The following MDGA1 variants were observed in gnomAD, a reference collection of about 807,000 sequenced individuals.
MDGA1 encodes MAM domain containing glycosylphosphatidylinositol anchor 1.
Under a neutral mutation model 101.5 loss-of-function variants are expected in MDGA1, and 54 were observed. The ratio of observed to expected loss-of-function variants is 0.53; its 90% confidence interval spans 0.43 to 0.67. The LOEUF (loss-of-function observed/expected upper bound fraction) is 0.67. Ranked by LOEUF, MDGA1 falls within the 30% of genes least tolerant of loss-of-function variation. The pLI, the probability that MDGA1 is intolerant of heterozygous loss-of-function variation, is 0.00. For synonymous variants in MDGA1, 533 were observed against 558.3 expected (o/e 0.95, Z 0.64); for missense variants, 1,083 against 1,323.8 (o/e 0.82, Z 2.82).
At chr6:37,695,233 C>T (rs773837359) in intron 1 of MDGA1, among the ~76,000 whole-genome samples, 2 of 152,106 alleles carry the variant, frequency 1.3e-5, no homozygotes, top group African/African-American at 2.4e-5. Flanking sequence ...AAGACCTCAG[C>T]AGCACCTCTC....
intron 10 of MDGA1, 89 bp downstream of exon 10, chr6:37,647,084 C>G (rs76385504): frequency 3.7e-5 from 47 of 1,266,078 alleles, no homozygotes; most frequent in Non-Finnish European, 5.0e-5. Context: ...GCCCCATCTC[C>G]GACCCTTCCT....
At chr6:37,650,017 A>T (rs1761318707) in intron 8 of MDGA1, 92 bp downstream of exon 8, 3 of 1,507,914 alleles carry the variant, frequency 2.0e-6, no homozygotes, top group Middle Eastern at 1.7e-4. Flanking sequence ...GTTTGGTTGG[A>T]CTGGGGTGGG....
intron 2 of MDGA1, among the ~76,000 whole-genome samples, chr6:37,659,792 G>T (rs1008017264): frequency 5.4e-4 from 82 of 152,226 alleles, no homozygotes; most frequent in African/African-American, 1.9e-3. Context: ...GGAGCTAGAG[G>T]TTACAAAACC....
rs1305019097 is a variant in MDGA1, at chr6:37,634,426, G to A, written c.*2942C>T. The A allele has an allele frequency of 6.5e-6, 1 of 153,256 alleles. No homozygotes were observed. The highest frequency in any genetic ancestry group is 1.9e-4 in the East Asian group (1 of 5,210). The allele number at this position is 153,256 out of a possible 1,614,324, so 9.5% of individuals were successfully genotyped here. A position where few individuals can be genotyped will look rare whatever the true frequency, so the allele number is the denominator to read the frequency against. ...ACCATGGCGCACAAAGACACAGCAT[G>A]AGCAACACTGATACAGAGATGCTGG... On this transcript the variant is annotated 3_prime_UTR_variant, in exon 17 of 17. Coordinates refer to ENST00000434837, the MANE Select transcript of MDGA1 (RefSeq NM_153487.4). The surrounding 1 kb of genome is among the most constrained non-coding windows in gnomAD (Gnocchi z 4.7).
At chr6:37,641,492 T>C (rs1367963187) in intron 14 of MDGA1, among the ~76,000 whole-genome samples, 2 of 152,216 alleles carry the variant, frequency 1.3e-5, no homozygotes, top group African/African-American at 2.4e-5. Context: ...GCAAATGGGC[T>C]GAGCACCCCC....
In MDGA1 at chr6:37,638,333, C is replaced by A; in HGVS notation, c.2668-20G>T. Reference sequence around the variant, plus strand: ...AATAATCTGGGGTGGGGTCAGAAAGCAAGGAGCAAGGGTTGAGGAGGTTCT... The same window carrying A: ...AATAATCTGGGGTGGGGTCAGAAAGAAAGGAGCAAGGGTTGAGGAGGTTCT... On this transcript the variant is annotated intron_variant, in intron 15 of 16. Coordinates refer to ENST00000434837, the MANE Select transcript of MDGA1 (RefSeq NM_153487.4). The surrounding 1 kb of genome is among the most constrained non-coding windows in gnomAD (Gnocchi z 4.8). The A allele has an allele frequency of 6.3e-7, 1 of 1,585,208 alleles. No homozygotes were observed. The highest frequency in any genetic ancestry group is 8.6e-7 in the Non-Finnish European group (1 of 1,163,124).
rs1761456610 is a variant in MDGA1 at position 37,655,170 on chromosome 6, G to A, written c.580-238C>T. On this transcript the variant is annotated intron_variant, in intron 4 of 16. Coordinates refer to ENST00000434837, the MANE Select transcript of MDGA1 (RefSeq NM_153487.4). The surrounding 1 kb of genome is among the most constrained non-coding windows in gnomAD (Gnocchi z 5.1). ...TCTCTGGGTCTGAGGTTGCCCTTGT[G>A]CACACTGGCAAGTACCAGGCCTTGG... 1.8e-6 allele frequency: 1 copy of A among 569,468 alleles called. No individual in the cohort carries two copies. The highest frequency in any genetic ancestry group is 3.0e-5 in the East Asian group (1 of 33,818). 35.3% of individuals were successfully genotyped at this position (569,468 alleles called of 1,614,324 possible).
intron 4 of MDGA1, 24 bp from the exon 5 acceptor site, chr6:37,654,956 G>A: frequency 1.9e-6 from 3 of 1,611,602 alleles, no homozygotes; most frequent in African/African-American, 2.7e-5. Flanking sequence ...GACCACTGGG[G>A]TGAGGTGCCT....
rs868650265 is a variant in MDGA1, at chr6:37,649,067, G to A, written c.1809C>T (p.Asp603=). 6 of 1,542,428 alleles carry A rather than the reference G, an allele frequency of 3.9e-6. No homozygotes were observed. In the Middle Eastern group the frequency reaches 8.6e-4, roughly 220 times the overall value. The part of the protein sequence containing the change: ...EAPDHAELRL[D]AVTRDSSGSY... ...TGCCGCTGCTGTCGCGAGTTACGGC[G>A]TCGAGGCGCAGCTCCGCGTGATCCG... The change falls in exon 9 of 17, where the codon GAC becomes GAT. Residue 603 remains aspartate, a synonymous_variant. Transcript: ENST00000434837.
intron 9 of MDGA1, 129 bp from the exon 10 acceptor site, chr6:37,647,453 G>C: frequency 1.6e-6 from 1 of 623,772 alleles, no homozygotes; most frequent in Admixed American, 3.1e-5. Context: ...CAAAGAGAAA[G>C]GGAATATTGT....
In MDGA1 at chr6:37,638,117, C is replaced by T; in HGVS notation, c.2776+88G>A. 9.1e-7 allele frequency: 1 copy of T among 1,097,850 alleles called. No individual in the cohort carries two copies. The allele number at this position is 1,097,850 out of a possible 1,614,324, so 68.0% of individuals were successfully genotyped here. A position where few individuals can be genotyped will look rare whatever the true frequency, so the allele number is the denominator to read the frequency against. ...CAGACATTCTGAACCCCTATTCAGACCCAAACACCCTCCCTCAACAGACAG... is the reference window on the plus strand; with the variant it reads ...CAGACATTCTGAACCCCTATTCAGATCCAAACACCCTCCCTCAACAGACAG... On this transcript the variant is annotated intron_variant, in intron 16 of 16. Coordinates refer to ENST00000434837, the MANE Select transcript of MDGA1 (RefSeq NM_153487.4). This position sits in a 1 kb window ranked among gnomAD's most constrained non-coding sequence, Gnocchi z 4.8.
rs372353821 is a variant in MDGA1, at chr6:37,638,672, G to A, written c.2537-5C>T. On this transcript the variant is annotated splice_region_variant and splice_polypyrimidine_tract_variant and intron_variant, in intron 14 of 16. Coordinates refer to ENST00000434837, the MANE Select transcript of MDGA1 (RefSeq NM_153487.4). The surrounding 1 kb of genome is among the most constrained non-coding windows in gnomAD (Gnocchi z 4.8). Reference sequence around the variant, plus strand: ...GCACCAGGAGGTTGAGGGAGCCTGCGGTGGGTGTGAAGACAGTGGGCAGTG... The same window carrying A: ...GCACCAGGAGGTTGAGGGAGCCTGCAGTGGGTGTGAAGACAGTGGGCAGTG... 1,286 of 1,610,914 alleles carry A rather than the reference G, an allele frequency of 8.0e-4. 1 individual carries two copies. The highest frequency in any genetic ancestry group is 9.9e-4 in the Non-Finnish European group (1,166 of 1,178,538).
intron 7 of MDGA1, 129 bp from the exon 8 acceptor site, chr6:37,650,534 T>C: frequency 1.0e-6 from 1 of 992,834 alleles, no homozygotes; most frequent in Non-Finnish European, 1.4e-6. Flanking sequence ...GACTTCCGAC[T>C]GGTCCCCCAG....
chr6:37,664,842 G>GAC (rs35594367), intron 1 of MDGA1, among the ~76,000 whole-genome samples: 3,644 of 55,090 alleles, frequency 0.066, 414 homozygotes, highest in East Asian at 0.078. Flanking sequence ...CCTAACCTAA[G>GAC]ACACACACAC....
chr6:37,642,640 C>G (rs1764117949), intron 14 of MDGA1, among the ~76,000 whole-genome samples: 1 of 152,076 alleles, frequency 6.6e-6, no homozygotes, highest in Non-Finnish European at 1.5e-5. Context: ...AACAAGTAAA[C>G]AAACAAAAAC....
intron 13 of MDGA1, 32 bp from the exon 14 acceptor site, chr6:37,643,975 C>A: frequency 6.2e-7 from 1 of 1,610,770 alleles, no homozygotes; most frequent in South Asian, 1.1e-5. Context: ...GCCAACAGCC[C>A]CCAAGACAGC....
intron 1 of MDGA1, among the ~76,000 whole-genome samples, chr6:37,680,878 G>A (rs1365479436): frequency 5.9e-5 from 9 of 152,208 alleles, no homozygotes; most frequent in Admixed American, 4.6e-4. Flanking sequence ...CCGAGCAGGC[G>A]GCTTTGTGTT....
Position 37,664,117 on chromosome 6 carries a change from A to G in MDGA1, c.68-11T>C. 2 of 1,613,382 alleles carry G rather than the reference A, an allele frequency of 1.2e-6. No homozygotes were observed. The highest frequency in any genetic ancestry group is 1.7e-6 in the Non-Finnish European group (2 of 1,179,770). ...GCGCCTGGGCTGGAGCTGGCAGGAG[A>G]GGATGGAGGAGGAGGTTTAGAGAAG... is the stretch of plus-strand genomic sequence containing the variant. On this transcript the variant is annotated splice_polypyrimidine_tract_variant and intron_variant, in intron 1 of 16. Transcript: ENST00000434837.
chr6:37,646,132 G>A lies in MDGA1; in HGVS notation c.2224+66C>T, dbSNP rs1304433563. On this transcript the variant is annotated intron_variant, in intron 11 of 16. Transcript: ENST00000434837. ...ACCCCAAGCTTAGGAACCACATGAG[G>A]ATGGTGAAAGGGGTCCCTGGCCATG... is the stretch of plus-strand genomic sequence containing the variant. 28 of 1,551,360 alleles carry A rather than the reference G, an allele frequency of 1.8e-5. No individual in the cohort carries two copies. The East Asian group carries it at 6.6e-4, about 36-fold the overall frequency.
Sources: allele counts gnomAD v4.1 joint callset (sites outside exome capture counted in the v4.1 genomes callset), GRCh38; gene constraint gnomAD v4.1.1; non-coding constraint Gnocchi (gnomAD v3.1); transcripts MANE v1.5; gene names NCBI Gene and HGNC (gene_info 2026-07-23, HGNC 2026-07-21).